Variants in MSN observed in about 807,000 individuals in gnomAD.
The protein encoded by MSN is moesin, also known as epididymis luminal protein 70.
In MSN, 2 loss-of-function variants were observed where a neutral mutation model predicts 48.0. The observed-to-expected ratio is 0.04, with a 90% CI of 0.02 to 0.13. The LOEUF is 0.13. Among genes scored for constraint, MSN ranks in the 10% least tolerant of loss-of-function variants. The probability of loss-of-function intolerance (pLI) is 1.00; values close to 1 mark genes in which losing one functional copy is unlikely to be tolerated. For missense variants in MSN, 267 were observed against 470.1 expected, an observed-to-expected ratio of 0.57 and a Z score of 3.99; for synonymous variants, 146 against 166.9, an observed-to-expected ratio of 0.87 and a Z score of 0.97.
intron 1 of MSN, among the ~76,000 whole-genome samples, chrX:65,598,071 C>T (rs1426241291): frequency 9.0e-6 from 1 of 111,351 alleles, no homozygotes; most frequent in Non-Finnish European, 1.9e-5. Flanking sequence ...CCCATTTCTA[C>T]CTCTCCTTAC....
At chrX:65,692,218 A>T (rs2147474438) in intron 1 of MSN, among the ~76,000 whole-genome samples, 1 of 112,672 alleles carries the variant, frequency 8.9e-6, no homozygotes, top group Non-Finnish European at 1.9e-5. Flanking sequence ...CTCTAAGGTC[A>T]GGGATTTGAG....
At chrX:65,674,390 C>T (rs2070975145) in intron 1 of MSN, among the ~76,000 whole-genome samples, 1 of 111,849 alleles carries the variant, frequency 8.9e-6, no homozygotes, top group Non-Finnish European at 1.9e-5. Context: ...AGAAGGATGA[C>T]TCCACCCAGA....
intron 1 of MSN, chrX:65,716,423 G>A: frequency 4.2e-6 from 1 of 235,993 alleles, no homozygotes; most frequent in Non-Finnish European, 8.3e-6. Context: ...CTACAGGTGT[G>A]CACCACCATG....
chrX:65,739,629 G>A lies in MSN; in HGVS notation c.1570-100G>A, dbSNP rs1380984269. ...TTTATATATAGAGAGAAAGGGTGAG[G>A]AAGAAAGAAGGAAACAGAAGAGAAG... On this transcript the variant is annotated intron_variant, in intron 12 of 12. Coordinates refer to ENST00000360270, the MANE Select transcript of MSN (RefSeq NM_002444.3). 3 of 952,099 alleles carry A rather than the reference G, an allele frequency of 3.2e-6. No homozygotes were observed. The African/African-American group carries it at 6.1e-5, about 19-fold the overall frequency. 78.5% of individuals were successfully genotyped at this position (952,099 alleles called of 1,213,427 possible).
chrX:65,715,548 A>G (rs1160740623), intron 1 of MSN, among the ~76,000 whole-genome samples: 2 of 111,523 alleles, frequency 1.8e-5, no homozygotes, highest in South Asian at 3.7e-4. Context: ...TCGCTTCCCT[A>G]GTTAACAGTA....
intron 1 of MSN, among the ~76,000 whole-genome samples, chrX:65,620,995 G>A (rs1367011644): frequency 3.7e-5 from 4 of 107,169 alleles, no homozygotes; most frequent in African/African-American, 6.9e-5. Context: ...GTGTGATCTC[G>A]GCTCACGGCA....
At chrX:65,725,958 C>T in intron 2 of MSN, among the ~76,000 whole-genome samples, 1 of 112,081 alleles carries the variant, frequency 8.9e-6, no homozygotes, top group South Asian at 3.7e-4. Flanking sequence ...ATAAGGAAGG[C>T]GAGGCCCAGA....
upstream of MSN, among the ~76,000 whole-genome samples, chrX:65,663,722 C>CAATGGTTGACTGGATAAAGAA (rs2070842629): frequency 9.0e-6 from 1 of 111,017 alleles, no homozygotes; most frequent in Non-Finnish European, 1.9e-5. Flanking sequence ...TGCCCATGAT[C>CAATGGTTGACTGGATAAAGAA]AATGGTTGAC....
intron 1 of MSN, among the ~76,000 whole-genome samples, chrX:65,594,777 C>T (rs2070174216): frequency 9.0e-6 from 1 of 111,363 alleles, no homozygotes; most frequent in Non-Finnish European, 1.9e-5. Flanking sequence ...TTTGTTGTTT[C>T]CCTTGCATCT....
intron 1 of MSN, among the ~76,000 whole-genome samples, chrX:65,616,938 G>A (rs1350463817): frequency 9.0e-6 from 1 of 110,524 alleles, no homozygotes; most frequent in Non-Finnish European, 1.9e-5. Flanking sequence ...TTTTGTCAAA[G>A]GCCTTTTCCG....
rs183552265 is a variant in MSN, at chrX:65,680,747, T to C, written c.12+12894T>C. Among the ~76,000 whole-genome samples, 252 of 110,830 alleles carry C rather than the reference T, an allele frequency of 2.3e-3. 1 individual carries two copies. The highest frequency in any genetic ancestry group is 7.7e-3 in the African/African-American group (235 of 30,410). The stretch of plus-strand genomic sequence containing the variant: ...CCAGCTTTTTCAGGTTGAATTTGTT[T>C]TGTTTTGTTTTGTTTTTTTGAGACA... On this transcript the variant is annotated intron_variant, in intron 1 of 12. Transcript: ENST00000360270.
chrX:65,645,684 A>G (rs1286390637), intron 1 of MSN, among the ~76,000 whole-genome samples: 2 of 111,398 alleles, frequency 1.8e-5, no homozygotes, highest in East Asian at 2.8e-4. Context: ...CATAGAGGAA[A>G]CGCTTGGTGA....
intron 1 of MSN, among the ~76,000 whole-genome samples, chrX:65,669,556 GAGAGAGAATGGAGTATA>G (rs773379945): frequency 5.4e-5 from 6 of 111,701 alleles, no homozygotes; most frequent in Non-Finnish European, 1.1e-4. Context: ...CCTGGGAATG[GAGAGAGAATGGAGTATA>G]AGCTGTTTGT....
intron 1 of MSN, among the ~76,000 whole-genome samples, chrX:65,632,237 C>T: frequency 9.0e-6 from 1 of 111,586 alleles, no homozygotes; most frequent in Non-Finnish European, 1.9e-5. Flanking sequence ...GGAGTGGGCT[C>T]ATTATAAAAG....
At chrX:65,643,725 G>A (rs2070675362) in intron 1 of MSN, among the ~76,000 whole-genome samples, 1 of 111,484 alleles carries the variant, frequency 9.0e-6, no homozygotes. Flanking sequence ...GAAGAAAAAG[G>A]GGCTGGATTA....
chrX:65,646,082 C>G (rs1038202374), intron 1 of MSN, among the ~76,000 whole-genome samples: 2 of 111,970 alleles, frequency 1.8e-5, no homozygotes, highest in Admixed American at 9.5e-5. Flanking sequence ...TGGTTTCAAG[C>G]ATATTGGATA....
chrX:65,695,280 A>C (rs755724527), intron 1 of MSN, among the ~76,000 whole-genome samples: 37 of 110,339 alleles, frequency 3.4e-4, no homozygotes, highest in African/African-American at 6.3e-4. Context: ...GTGGGTGGAT[A>C]ACCTGAGGTC....
At position 65,708,547 on chromosome X, in the gene MSN, C is replaced by T. The variant is rs752140282; in HGVS notation, c.13-8271C>T. On this transcript the variant is annotated intron_variant, in intron 1 of 12. Coordinates refer to ENST00000360270, the MANE Select transcript of MSN (RefSeq NM_002444.3). ...ACCTCAGGTGATCCGCCCACATTGG[C>T]CTCTCAAAGTGCGGGGATTACAGGT... 2.2e-4 allele frequency among the ~76,000 whole-genome samples: 24 copies of T among 111,395 alleles called. 1 individual carries two copies. The highest frequency in any genetic ancestry group is 4.5e-4 in the Non-Finnish European group (24 of 53,076).
intron 1 of MSN, among the ~76,000 whole-genome samples, chrX:65,626,531 C>T: frequency 9.0e-6 from 1 of 110,983 alleles, no homozygotes. Context: ...CACGTATGGT[C>T]ACTGAAGTTT....
Sources: gnomAD v4.1 joint callset for allele counts (sites outside exome capture counted in the v4.1 genomes callset) on GRCh38, gnomAD v4.1.1 for gene constraint, MANE v1.5 for transcripts, NCBI Gene and HGNC (gene_info 2026-07-23, HGNC 2026-07-21) for gene names.